Variants in MED13 observed in about 807,000 individuals in gnomAD.
MED13 encodes mediator of RNA polymerase II transcription subunit 13.
Under a neutral mutation model 225.2 loss-of-function variants are expected in MED13, and 23 were observed. The observed-to-expected ratio is 0.10, with a 90% confidence interval of 0.07 to 0.14. The LOEUF is 0.14. Among genes scored for constraint, MED13 ranks in the 10% least tolerant of loss-of-function variants. The probability of loss-of-function intolerance (pLI) is 1.00; values close to 1 mark genes in which losing one functional copy is unlikely to be tolerated. For synonymous variants in MED13, 942 were observed against 889.2 expected (o/e 1.06, Z -1.06); for missense variants, 2,197 against 2,594.5 (o/e 0.85, Z 3.33).
intron 21 of MED13, among the ~76,000 whole-genome samples, chr17:61,962,060 G>C (rs375423548): frequency 1.3e-5 from 2 of 152,220 alleles, no homozygotes; most frequent in South Asian, 4.2e-4. Context: ...GGCCGAGGTG[G>C]GCAGATCACC....
In MED13 at chr17:62,049,078, CA is replaced by C. The variant is rs890393330; in HGVS notation, c.470+3458del. 7.9e-3 allele frequency among the ~76,000 whole-genome samples: 359 copies of C among 45,306 alleles called. 1 individual carries two copies. The highest frequency in any genetic ancestry group is 0.016 in the African/African-American group (185 of 11,516). The allele number at this position is 45,306 out of a possible 152,430, so 29.7% of individuals were successfully genotyped here. A position where few individuals can be genotyped will look rare whatever the true frequency, so the allele number is the denominator to read the frequency against. On this transcript the variant is annotated intron_variant, in intron 3 of 29. Coordinates refer to ENST00000397786, the MANE Select transcript of MED13 (RefSeq NM_005121.3). ...GGCACCACCATAACAGTAAATAAGA[CA>C]AAAAAAAAAAAAAAAAGGAGAAATG...
At chr17:61,966,921 A>G (rs1345734033) in intron 18 of MED13, among the ~76,000 whole-genome samples, 1 of 152,194 alleles carries the variant, frequency 6.6e-6, no homozygotes, top group Non-Finnish European at 1.5e-5. Context: ...AAACACCTAG[A>G]TAACAATAGT....
intron 28 of MED13, among the ~76,000 whole-genome samples, 157 bp downstream of exon 28, chr17:61,950,668 G>A (rs1375599840): frequency 1.3e-5 from 2 of 152,214 alleles, no homozygotes; most frequent in South Asian, 2.1e-4. Flanking sequence ...ACAGGCGTGA[G>A]CCACCGTGCC....
intron 2 of MED13, among the ~76,000 whole-genome samples, chr17:62,054,717 G>C (rs1041481135): frequency 3.3e-5 from 5 of 152,094 alleles, no homozygotes; most frequent in Admixed American, 2.0e-4. Context: ...CAAATTATGA[G>C]ACTTATGACT....
intron 9 of MED13, among the ~76,000 whole-genome samples, chr17:62,002,184 G>C (rs1433558876): frequency 6.6e-6 from 1 of 152,038 alleles, no homozygotes; most frequent in African/African-American, 2.4e-5. Context: ...ATTTAAGAGG[G>C]TTGTTTAAAT....
At chr17:62,063,903 A>G (rs1234608406) in intron 1 of MED13, among the ~76,000 whole-genome samples, 1 of 152,218 alleles carries the variant, frequency 6.6e-6, no homozygotes, top group African/African-American at 2.4e-5. Flanking sequence ...AGAAATATAA[A>G]ACCTGGTGTA....
chr17:61,949,322 C>G (rs772266492), intron 28 of MED13, among the ~76,000 whole-genome samples: 10 of 151,476 alleles, frequency 6.6e-5, no homozygotes, highest in African/African-American at 1.9e-4. Flanking sequence ...ACCTCTTGTG[C>G]TCATGCGATC....
chr17:62,040,511 A>G (rs1383730108), intron 3 of MED13, among the ~76,000 whole-genome samples: 1 of 152,242 alleles, frequency 6.6e-6, no homozygotes, highest in African/African-American at 2.4e-5. Context: ...TAACAGCAAC[A>G]ATTCCATATG....
intron 23 of MED13, among the ~76,000 whole-genome samples, chr17:61,956,984 T>C (rs1274433942): frequency 6.6e-6 from 1 of 152,220 alleles, no homozygotes; most frequent in African/African-American, 2.4e-5. Flanking sequence ...CATTATAATA[T>C]ATAAATTTTT....
intron 10 of MED13, among the ~76,000 whole-genome samples, chr17:61,993,786 CCGAG>C (rs1038156949): frequency 6.6e-6 from 1 of 151,696 alleles, no homozygotes; most frequent in African/African-American, 2.4e-5. Flanking sequence ...ACAAAATTAG[CCGAG>C]CGTAGTGGCG....
chr17:62,006,805 T>C (rs1421857008), intron 9 of MED13: 1 of 152,426 alleles, frequency 6.6e-6, no homozygotes, highest in African/African-American at 2.4e-5. Context: ...CACGCACTTA[T>C]AGTCCCAGCT....
intron 8 of MED13, among the ~76,000 whole-genome samples, chr17:62,027,781 A>C (rs750641412): frequency 1.7e-4 from 26 of 152,246 alleles, no homozygotes; most frequent in Non-Finnish European, 2.5e-4. Context: ...TTTCAAAAGA[A>C]GACATATGTG....
chr17:62,029,780 A>C, intron 7 of MED13, 71 bp downstream of exon 7: 1 of 1,524,110 alleles, frequency 6.6e-7, no homozygotes, highest in East Asian at 2.3e-5. Context: ...GACTGTTTAT[A>C]CTTTAGATAT....
chr17:62,053,258 T>G (rs543307935), intron 2 of MED13, among the ~76,000 whole-genome samples: 1 of 152,328 alleles, frequency 6.6e-6, no homozygotes, highest in African/African-American at 2.4e-5. Flanking sequence ...TCAGCCACCT[T>G]AGGTCTCATT....
chr17:61,963,104 G>A (rs2080017888), intron 20 of MED13, 133 bp from the exon 21 acceptor site: 1 of 605,532 alleles, frequency 1.7e-6, no homozygotes, highest in African/African-American at 2.0e-5. Context: ...TAAAAATGAA[G>A]GACATTTCTT....
At chr17:62,015,761 T>C (rs1330192543) in intron 8 of MED13, among the ~76,000 whole-genome samples, 1 of 142,472 alleles carries the variant, frequency 7.0e-6, no homozygotes, top group Non-Finnish European at 1.5e-5. Flanking sequence ...ATATATAATA[T>C]AGATATACAC....
At position 62,042,176 on chromosome 17, in the gene MED13, A is replaced by G. The variant is rs150538828; in HGVS notation, c.471-6568T>C. Reference sequence around the variant, plus strand: ...ACATAGCTCCATGAACAAAAGATCTATACTAAAATCCAGAAGTTAACATCT... The same window carrying G: ...ACATAGCTCCATGAACAAAAGATCTGTACTAAAATCCAGAAGTTAACATCT... On this transcript the variant is annotated intron_variant, in intron 3 of 29. Transcript: ENST00000397786. Among the ~76,000 whole-genome samples the G allele has an allele frequency of 5.3e-3, 800 of 152,338 alleles. 7 individuals carry two copies. The highest frequency in any genetic ancestry group is 0.018 in the African/African-American group (765 of 41,580).
At chr17:62,047,906 G>A (rs1207600721) in intron 3 of MED13, among the ~76,000 whole-genome samples, 2 of 151,540 alleles carry the variant, frequency 1.3e-5, no homozygotes, top group East Asian at 1.9e-4. Context: ...AGCCTTTTAA[G>A]AGTTTTTCAT....
At chr17:62,040,718 G>T (rs1007563525) in intron 3 of MED13, among the ~76,000 whole-genome samples, 1 of 151,914 alleles carries the variant, frequency 6.6e-6, no homozygotes, top group Admixed American at 6.6e-5. Context: ...TAAAAAAATG[G>T]GCAAAAGACT....
Sources: gnomAD v4.1 joint callset for allele counts (sites outside exome capture counted in the v4.1 genomes callset) on GRCh38, gnomAD v4.1.1 for gene constraint, MANE v1.5 for transcripts, NCBI Gene and HGNC (gene_info 2026-07-23, HGNC 2026-07-21) for gene names.